OLFML1: variants seen among roughly 807,000 people sequenced by gnomAD.
The protein encoded by OLFML1 is olfactomedin-like protein 1.
OLFML1 carries 33 observed loss-of-function variants against 37.3 expected under a neutral mutation model. The ratio of observed to expected loss-of-function variants is 0.88; its 90% CI spans 0.67 to 1.18. The LOEUF (loss-of-function observed/expected upper bound fraction) is 1.18. OLFML1 is among the 50% of genes most tolerant of loss of function. The pLI, the probability that OLFML1 is intolerant of heterozygous loss-of-function variation, is 0.00. For synonymous variants in OLFML1, 186 were observed against 181.3 expected, an observed-to-expected ratio of 1.03 and a Z score of -0.21; for missense variants, 545 against 483.7, an observed-to-expected ratio of 1.13 and a Z score of -1.19.
In OLFML1 at chr11:7,485,887, C is replaced by T. The variant is rs1474519058; in HGVS notation, c.12C>T (p.Ala4=). The change falls in exon 1 of 3, where the codon GCC becomes GCT. Residue 4 remains alanine, a synonymous_variant. Transcript: ENST00000329293. The part of the protein sequence containing the change: MMV[A]LRGASALLVL... ...TGGTGTTTTGCAGGATGATGGTGGCCCTTCGAGGAGCTTCTGCATTGCTGG... is the reference window on the plus strand; with the variant it reads ...TGGTGTTTTGCAGGATGATGGTGGCTCTTCGAGGAGCTTCTGCATTGCTGG... 6.2e-7 allele frequency: 1 copy of T among 1,613,386 alleles called. No individual in the cohort carries two copies. The highest frequency in any genetic ancestry group is 2.2e-5 in the East Asian group (1 of 44,878).
At chr11:7,491,712 T>A (rs1488771254) in intron 2 of OLFML1, among the ~76,000 whole-genome samples, 16 of 92,544 alleles carry the variant, frequency 1.7e-4, no homozygotes, top group Admixed American at 6.9e-4. Context: ...ATCTTAAAAC[T>A]ACACATTTAC....
chr11:7,488,154 A>G lies in OLFML1; in HGVS notation c.157A>G (p.Thr53Ala), dbSNP rs146594846. 79 of 1,611,358 alleles carry G rather than the reference A, an allele frequency of 4.9e-5. No individual in the cohort carries two copies. The Middle Eastern group carries it at 2.0e-3, about 40-fold the overall frequency. ...AGGGCTGGAAAAATGTACCCAAGCAACGAGGGCATACATTCAAGAATTCCA... is the reference window on the plus strand; with the variant it reads ...AGGGCTGGAAAAATGTACCCAAGCAGCGAGGGCATACATTCAAGAATTCCA... ...EQGLEKCTQATRAYIQEFQEF... is the reference protein window; with the variant it reads ...EQGLEKCTQAARAYIQEFQEF... Residue 53 changes from threonine (T) to alanine (A), a missense_variant, in exon 2 of 3, where the codon ACG (threonine) becomes GCG (alanine). Physicochemically the swap from Thr to Ala is moderately conservative, Grantham distance 58. Transcript: ENST00000329293.
At chr11:7,497,547 C>T (rs970904455) in intron 2 of OLFML1, among the ~76,000 whole-genome samples, 3 of 152,160 alleles carry the variant, frequency 2.0e-5, no homozygotes, top group Non-Finnish European at 4.4e-5. Flanking sequence ...TGGAGCCAGG[C>T]TGGACTCACA....
Position 7,488,135 on chromosome 11 carries a change from G to C in OLFML1, c.138G>C (p.Leu46=). ...YQRFRVLEQG[L]EKCTQATRAY... The stretch of plus-strand genomic sequence containing the variant: ...TTATTTTCTGACTGAAGCAAGGGCT[G>C]GAAAAATGTACCCAAGCAACGAGGG... The change falls in exon 2 of 3, where the codon CTG becomes CTC. Residue 46 remains leucine, a synonymous_variant. Coordinates refer to ENST00000329293, the MANE Select transcript of OLFML1 (RefSeq NM_198474.4). 1 of 1,601,718 alleles carries C rather than the reference G, an allele frequency of 6.2e-7. No homozygotes were observed. The highest frequency in any genetic ancestry group is 8.5e-7 in the Non-Finnish European group (1 of 1,171,522).
Position 7,488,414 on chromosome 11 carries a change from A to G in OLFML1, c.417A>G (p.Ala139=), listed in dbSNP as rs753132995. ...EEKKIRTLLN[A]SCDNMLMGIK... is the part of the protein sequence containing the mutation. Reference sequence around the variant, plus strand: ...AAAAGATCCGGACTCTGCTGAATGCAAGTAAGAAAACTGCATCTTTTCCTA... The same window carrying G: ...AAAAGATCCGGACTCTGCTGAATGCGAGTAAGAAAACTGCATCTTTTCCTA... The change falls in exon 2 of 3, where the codon GCA becomes GCG. Residue 139 remains alanine, a splice_region_variant and synonymous_variant. Coordinates refer to ENST00000329293, the MANE Select transcript of OLFML1 (RefSeq NM_198474.4). The G allele has an allele frequency of 5.6e-6, 9 of 1,608,970 alleles. No homozygotes were observed. Among genetic ancestry groups the G allele is most frequent in the Non-Finnish European group, 6.8e-6 (8 of 1,177,514 alleles).
At chr11:7,490,638 G>T (rs1364424822) in intron 2 of OLFML1, among the ~76,000 whole-genome samples, 1 of 152,134 alleles carries the variant, frequency 6.6e-6, no homozygotes, top group Non-Finnish European at 1.5e-5. Flanking sequence ...TAGCTCTGTG[G>T]TATATGAAAA....
In OLFML1 at chr11:7,510,227, A is replaced by G; in HGVS notation, c.*39A>G. On this transcript the variant is annotated 3_prime_UTR_variant, in exon 3 of 3. Transcript: ENST00000329293. ...TGAGAAAGAGCACTGTGGCTTTGGC[A>G]GCTGTTCTACAGGACAGTGAGGCTA... 1.3e-6 allele frequency: 2 copies of G among 1,535,880 alleles called. No homozygotes were observed. The highest frequency in any genetic ancestry group is 1.8e-6 in the Non-Finnish European group (2 of 1,137,456).
At chr11:7,494,782 A>T (rs565727844) in intron 2 of OLFML1, among the ~76,000 whole-genome samples, 11 of 152,290 alleles carry the variant, frequency 7.2e-5, no homozygotes, top group African/African-American at 2.4e-4. Flanking sequence ...CCTTCTGTTG[A>T]GAGTAGGTGC....
At chr11:7,494,421 C>G (rs762984000) in intron 2 of OLFML1, among the ~76,000 whole-genome samples, 3 of 151,934 alleles carry the variant, frequency 2.0e-5, no homozygotes, top group Non-Finnish European at 4.4e-5. Flanking sequence ...CTATGTCATG[C>G]AATACTCACG....
At chr11:7,497,452 G>A (rs1338452227) in intron 2 of OLFML1, among the ~76,000 whole-genome samples, 1 of 152,172 alleles carries the variant, frequency 6.6e-6, no homozygotes, top group Non-Finnish European at 1.5e-5. Context: ...AGGGATTATG[G>A]AGACCTGGCC....
intron 2 of OLFML1, chr11:7,504,629 T>C (rs563901964): frequency 1.1e-4 from 16 of 152,234 alleles, no homozygotes; most frequent in African/African-American, 3.9e-4. Flanking sequence ...ACGGAGTAAG[T>C]GGGAAGATCT....
At chr11:7,506,159 G>A (rs1457609736) in intron 2 of OLFML1, among the ~76,000 whole-genome samples, 1 of 152,174 alleles carries the variant, frequency 6.6e-6, no homozygotes, top group Non-Finnish European at 1.5e-5. Context: ...CTAGAAAAAG[G>A]TGCCTAGTTG....
At position 7,486,259 on chromosome 11, in the gene OLFML1, T is replaced by C. The variant is rs565126278; in HGVS notation, c.129+255T>C. 4.6e-5 allele frequency among the ~76,000 whole-genome samples: 7 copies of C among 152,338 alleles called. No homozygotes were observed. The East Asian group carries it at 1.4e-3, about 29-fold the overall frequency. Reference sequence around the variant, plus strand: ...GTTTGTCTCATCTGTAAAATGGGGATAATAGTAGAATTTATGTTGTAAGGC... The same window carrying C: ...GTTTGTCTCATCTGTAAAATGGGGACAATAGTAGAATTTATGTTGTAAGGC... On this transcript the variant is annotated intron_variant, in intron 1 of 2. Coordinates refer to ENST00000329293, the MANE Select transcript of OLFML1 (RefSeq NM_198474.4).
intron 2 of OLFML1, among the ~76,000 whole-genome samples, chr11:7,492,518 T>C (rs144581352): frequency 1.3e-3 from 194 of 152,344 alleles, no homozygotes; most frequent in African/African-American, 4.6e-3. Flanking sequence ...TTCTCACTTA[T>C]TTTAGGAATA....
intron 2 of OLFML1, among the ~76,000 whole-genome samples, chr11:7,508,128 G>C (rs77705668): frequency 0.044 from 6,762 of 152,276 alleles, 216 homozygotes; most frequent in Non-Finnish European, 0.072. Context: ...TTCATTAAGT[G>C]GAAGTGGATC....
intron 2 of OLFML1, among the ~76,000 whole-genome samples, chr11:7,503,054 G>A (rs1848742211): frequency 6.6e-6 from 1 of 152,188 alleles, no homozygotes; most frequent in Non-Finnish European, 1.5e-5. Flanking sequence ...AGTTTGGAGG[G>A]TAAAAGTAAG....
intron 1 of OLFML1, among the ~76,000 whole-genome samples, chr11:7,486,734 A>C (rs778636141): frequency 6.6e-6 from 1 of 152,210 alleles, no homozygotes; most frequent in Non-Finnish European, 1.5e-5. Context: ...TTGCTTTTGT[A>C]CAAGCTAAAT....
At chr11:7,489,680 G>A (rs776638329) in intron 2 of OLFML1, among the ~76,000 whole-genome samples, 73 of 152,276 alleles carry the variant, frequency 4.8e-4, no homozygotes, top group East Asian at 1.3e-3. Flanking sequence ...ATGGGACAGA[G>A]AACAGGTGGA....
intron 2 of OLFML1, among the ~76,000 whole-genome samples, chr11:7,503,804 G>A (rs573869292): frequency 4.7e-4 from 72 of 152,262 alleles, no homozygotes; most frequent in African/African-American, 1.5e-3. Context: ...TAAAGGACAC[G>A]GGAAGGATGG....
Sources: allele counts gnomAD v4.1 joint callset (sites outside exome capture counted in the v4.1 genomes callset), GRCh38; gene constraint gnomAD v4.1.1; transcripts MANE v1.5; gene names NCBI Gene and HGNC (gene_info 2026-07-23, HGNC 2026-07-21).